Variants in VAMP7 observed in about 807,000 individuals in gnomAD.
The protein encoded by VAMP7 is vesicle-associated membrane protein 7.
A neutral mutation model predicts 29.6 loss-of-function variants in VAMP7; 14 were observed. The ratio of observed to expected loss-of-function variants is 0.47; its 90% CI spans 0.31 to 0.74. VAMP7 has a LOEUF of 0.74. Ranked by LOEUF, VAMP7 falls within the 30% of genes least tolerant of loss-of-function variation. VAMP7 has a pLI of 0.05. For missense variants in VAMP7, 223 were observed against 262.4 expected (o/e 0.85, Z 1.04); for synonymous variants, 95 against 88.1 (o/e 1.08, Z -0.44).
intron 6 of VAMP7, among the ~76,000 whole-genome samples, chrX:155,929,758 A>G (rs1182851236): frequency 6.6e-6 from 1 of 152,134 alleles, no homozygotes; most frequent in Non-Finnish European, 1.5e-5. Context: ...GATTGGCAAC[A>G]CAGAGGAGCA....
At chrX:155,893,110 T>C (rs1332528065) in intron 2 of VAMP7, among the ~76,000 whole-genome samples, 3 of 152,184 alleles carry the variant, frequency 2.0e-5, no homozygotes, top group African/African-American at 7.2e-5. Context: ...TGTAGGCTTC[T>C]TGATGGCAGG....
At chrX:155,936,091 A>G (rs1313421390) in intron 6 of VAMP7, among the ~76,000 whole-genome samples, 4 of 151,740 alleles carry the variant, frequency 2.6e-5, no homozygotes, top group African/African-American at 9.7e-5. Context: ...CCGCCGTGTG[A>G]GGTGTCAGTC....
At position 155,895,788 on chromosome X, in the gene VAMP7, C is replaced by T. The variant is rs1312887183; in HGVS notation, c.204+108C>T. The T allele has an allele frequency of 3.5e-6, 3 of 862,498 alleles. 1 individual carries two copies. Among genetic ancestry groups the T allele is most frequent in the South Asian group, 3.3e-5 (2 of 61,418 alleles). The allele number at this position is 862,498 out of a possible 1,614,324, so 53.4% of individuals were successfully genotyped here. On this transcript the variant is annotated intron_variant, in intron 3 of 7. Coordinates refer to ENST00000286448, the MANE Select transcript of VAMP7 (RefSeq NM_005638.6). Reference sequence around the variant, plus strand: ...CCAACCCCCAGGCTGCAGACCGGTACAGGTCTGTGGCTTGTTAGGAACCAG... The same window carrying T: ...CCAACCCCCAGGCTGCAGACCGGTATAGGTCTGTGGCTTGTTAGGAACCAG...
At chrX:155,920,146 C>A (rs1321601009) in intron 6 of VAMP7, among the ~76,000 whole-genome samples, 1 of 152,118 alleles carries the variant, frequency 6.6e-6, no homozygotes, top group Non-Finnish European at 1.5e-5. Context: ...TGGATTGAGG[C>A]CTATATAATT....
At chrX:155,940,911 C>T (rs958281832) in intron 7 of VAMP7, among the ~76,000 whole-genome samples, 3 of 152,178 alleles carry the variant, frequency 2.0e-5, no homozygotes, top group African/African-American at 7.2e-5. Flanking sequence ...AGGCAAAATG[C>T]TTTGCTCACT....
At position 155,900,511 on chromosome X, in the gene VAMP7, G is replaced by C. The variant is rs1169759773; in HGVS notation, c.357G>C (p.Glu119Asp). ...TTTTCTTATAGAAGCATCACTCTGAGAATAAGGGCCTAGACAAAGTGATGG... is the reference window on the plus strand; with the variant it reads ...TTTTCTTATAGAAGCATCACTCTGACAATAAGGGCCTAGACAAAGTGATGG... ...VLAAQLKHHS[E>D]NKGLDKVMET... Residue 119 changes from glutamate to aspartate, a missense_variant, in exon 5 of 8, where the codon GAG (glutamate) becomes GAC (aspartate). Glu to Asp is a conservative substitution (Grantham distance 45, BLOSUM62 2). Coordinates refer to ENST00000286448, the MANE Select transcript of VAMP7 (RefSeq NM_005638.6). The C allele has an allele frequency of 6.2e-7, 1 of 1,609,412 alleles. No homozygotes were observed. Among genetic ancestry groups the C allele is most frequent in the Non-Finnish European group, 8.5e-7 (1 of 1,177,532 alleles).
chrX:155,901,561 AAGGGATCC>A (rs1469071944), intron 5 of VAMP7, among the ~76,000 whole-genome samples: 3 of 152,132 alleles, frequency 2.0e-5, no homozygotes, highest in Non-Finnish European at 4.4e-5. Flanking sequence ...AGGTATAAGG[AAGGGATCC>A]AGTTTCAGCT....
In VAMP7 at chrX:155,911,037, C is replaced by G. The variant is rs377347297; in HGVS notation, c.434-8776C>G. Among the ~76,000 whole-genome samples, 282 of 152,160 alleles carry G rather than the reference C, an allele frequency of 1.9e-3. 1 individual carries two copies. The highest frequency in any genetic ancestry group is 6.6e-3 in the African/African-American group (276 of 41,512). ...AGAGCAGTGTTCTGAAGTGTTTCCCCTATGTTTTCTTCTAGTAGGTTTATA... is the reference window on the plus strand; with the variant it reads ...AGAGCAGTGTTCTGAAGTGTTTCCCGTATGTTTTCTTCTAGTAGGTTTATA... On this transcript the variant is annotated intron_variant, in intron 5 of 7. Coordinates refer to ENST00000286448, the MANE Select transcript of VAMP7 (RefSeq NM_005638.6).
chrX:155,911,773 G>A (rs954995056), intron 5 of VAMP7, among the ~76,000 whole-genome samples: 50 of 152,124 alleles, frequency 3.3e-4, no homozygotes, highest in African/African-American at 1.2e-3. Context: ...GATTATTGAT[G>A]CATAGAAACA....
chrX:155,926,335 A>G (rs1569448344), intron 6 of VAMP7, among the ~76,000 whole-genome samples: 1 of 152,198 alleles, frequency 6.6e-6, no homozygotes, highest in Non-Finnish European at 1.5e-5. Context: ...GATCTTAGCT[A>G]GGTCTCCTGG....
At chrX:155,902,752 G>A (rs1237287959) in intron 5 of VAMP7, among the ~76,000 whole-genome samples, 1 of 150,776 alleles carries the variant, frequency 6.6e-6, no homozygotes, top group Admixed American at 6.6e-5. Context: ...TTTTTGATGT[G>A]CTGCTGGATT....
At position 155,889,442 on chromosome X, in the gene VAMP7, T is replaced by C. The variant is rs1472803474; in HGVS notation, c.-9-16T>C. ...CAAAGAAATATTCTAAATCTGTGTC[T>C]TTTTCCTTTTGATAGACTGAAGCCA... On this transcript the variant is annotated splice_polypyrimidine_tract_variant and intron_variant, in intron 1 of 7. Transcript: ENST00000286448. 6.2e-7 allele frequency: 1 copy of C among 1,608,856 alleles called. No homozygotes were observed. Among genetic ancestry groups the C allele is most frequent in the East Asian group, 2.2e-5 (1 of 44,796 alleles).
chrX:155,942,354 A>T lies in VAMP7; in HGVS notation c.*403A>T, dbSNP rs1241037752. 3.4e-6 allele frequency: 2 copies of T among 579,736 alleles called. No homozygotes were observed. The highest frequency in any genetic ancestry group is 3.3e-5 in the Admixed American group (1 of 30,380). 35.9% of individuals were successfully genotyped at this position (579,736 alleles called of 1,614,324 possible). On this transcript the variant is annotated 3_prime_UTR_variant, in exon 8 of 8. Transcript: ENST00000286448. Reference sequence around the variant, plus strand: ...CAAGAGACAGTATTGCTAACATCTCATCTTAATGTCTTTTGTTATTGAGAA... The same window carrying T: ...CAAGAGACAGTATTGCTAACATCTCTTCTTAATGTCTTTTGTTATTGAGAA...
At position 155,938,818 on chromosome X, in the gene VAMP7, G is replaced by A. The variant is rs184279378; in HGVS notation, c.502-883G>A. On this transcript the variant is annotated intron_variant, in intron 6 of 7. Coordinates refer to ENST00000286448, the MANE Select transcript of VAMP7 (RefSeq NM_005638.6). ...GCGACAGAGCAAGACCCTGTCTCAA[G>A]ATAAATAATAAAATATAGCAGGTAT... Among the ~76,000 whole-genome samples, 459 of 152,238 alleles carry A rather than the reference G, an allele frequency of 3.0e-3. 1 individual carries two copies. The highest frequency in any genetic ancestry group is 0.011 in the African/African-American group (440 of 41,554).
intron 5 of VAMP7, among the ~76,000 whole-genome samples, chrX:155,910,278 G>C: frequency 6.6e-6 from 1 of 152,188 alleles, no homozygotes; most frequent in East Asian, 1.9e-4. Flanking sequence ...GCTGTAAATG[G>C]CATGACTTCA....
intron 5 of VAMP7, among the ~76,000 whole-genome samples, chrX:155,911,418 T>G (rs2066235418): frequency 6.6e-6 from 1 of 152,198 alleles, no homozygotes; most frequent in Non-Finnish European, 1.5e-5. Flanking sequence ...TCAGGATTGC[T>G]TTGGCTATTT....
At chrX:155,937,379 A>G (rs1259903508) in intron 6 of VAMP7, among the ~76,000 whole-genome samples, 2 of 152,206 alleles carry the variant, frequency 1.3e-5, no homozygotes, top group African/African-American at 4.8e-5. Flanking sequence ...TGTATTGAAT[A>G]TTTGAAATAT....
At chrX:155,911,901 A>C (rs754221418) in intron 5 of VAMP7, among the ~76,000 whole-genome samples, 2 of 152,250 alleles carry the variant, frequency 1.3e-5, no homozygotes, top group East Asian at 3.9e-4. Flanking sequence ...TATCATCTGC[A>C]AAGAGGGATA....
chrX:155,886,295 C>A (rs2065864726), intron 1 of VAMP7, among the ~76,000 whole-genome samples: 1 of 152,110 alleles, frequency 6.6e-6, no homozygotes. Context: ...TTACAAGACA[C>A]TTACAATGGG....
Sources: allele counts gnomAD v4.1 joint callset (sites outside exome capture counted in the v4.1 genomes callset), GRCh38; gene constraint gnomAD v4.1.1; transcripts MANE v1.5; gene names NCBI Gene and HGNC (gene_info 2026-07-23, HGNC 2026-07-21).